PHKB: variants seen among roughly 807,000 people sequenced by gnomAD.
PHKB encodes phosphorylase b kinase regulatory subunit beta.
A neutral mutation model predicts 152.1 loss-of-function variants in PHKB; 122 were observed. The ratio of observed to expected loss-of-function variants is 0.80; its 90% CI spans 0.69 to 0.93. The LOEUF is 0.93. Among genes scored for constraint, PHKB ranks in the 40% least tolerant of loss-of-function variants. The probability of loss-of-function intolerance (pLI) is 0.00; values close to 1 mark genes in which losing one functional copy is unlikely to be tolerated. For synonymous variants in PHKB, 436 were observed against 464.9 expected (o/e 0.94, Z 0.80); for missense variants, 1,304 against 1,328.4 (o/e 0.98, Z 0.29).
chr16:47,568,286 T>C (rs1443957171), intron 7 of PHKB, among the ~76,000 whole-genome samples: 1 of 152,222 alleles, frequency 6.6e-6, no homozygotes, highest in Non-Finnish European at 1.5e-5. Flanking sequence ...TAGGAATCTA[T>C]CCATTTCCTG....
intron 1 of PHKB, among the ~76,000 whole-genome samples, chr16:47,468,227 C>A (rs1969703370): frequency 6.6e-6 from 1 of 152,202 alleles, no homozygotes; most frequent in Non-Finnish European, 1.5e-5. Context: ...CAGAAATAGC[C>A]TGAATTCCTG....
At chr16:47,695,078 G>T (rs954847350) in intron 28 of PHKB, among the ~76,000 whole-genome samples, 2 of 152,144 alleles carry the variant, frequency 1.3e-5, no homozygotes, top group Admixed American at 6.5e-5. Context: ...ACAGATAAAT[G>T]ATTTCCTCAA....
Position 47,681,371 on chromosome 16 carries a change from G to A in PHKB, c.2631-7670G>A, listed in dbSNP as rs9922863. 4.4e-3 allele frequency among the ~76,000 whole-genome samples: 648 copies of A among 148,646 alleles called. 24 individuals are homozygous for A. Among genetic ancestry groups the A allele is most frequent in the African/African-American group, 0.015 (616 of 41,160 alleles). ...ATCTGTCAAATGTTGACAGTGGGGTGTTAAAGTCTCCCATTTTTACTGTGT... is the reference window on the plus strand; with the variant it reads ...ATCTGTCAAATGTTGACAGTGGGGTATTAAAGTCTCCCATTTTTACTGTGT... On this transcript the variant is annotated intron_variant, in intron 26 of 30. Transcript: ENST00000323584.
intron 6 of PHKB, among the ~76,000 whole-genome samples, chr16:47,523,621 GC>G (rs1970720205): frequency 6.6e-6 from 1 of 152,118 alleles, no homozygotes. Context: ...CTTACTATAG[GC>G]CCACACCTAT....
chr16:47,503,256 T>C (rs1222838306), intron 4 of PHKB, among the ~76,000 whole-genome samples, 166 bp downstream of exon 4: 1 of 152,226 alleles, frequency 6.6e-6, no homozygotes, highest in Non-Finnish European at 1.5e-5. Context: ...GCCCAGGGTT[T>C]GAAATCCTGA....
intron 7 of PHKB, among the ~76,000 whole-genome samples, chr16:47,552,248 C>T (rs1032836950): frequency 2.0e-5 from 3 of 152,102 alleles, no homozygotes; most frequent in African/African-American, 7.2e-5. Flanking sequence ...GAATTGGATC[C>T]TGTCATTATG....
At position 47,649,196 on chromosome 16, in the gene PHKB, G is replaced by A; in HGVS notation, c.1789G>A (p.Asp597Asn). Residue 597 changes from aspartate (D) to asparagine (N), a missense_variant, in exon 18 of 31, where the codon GAC (aspartate) becomes AAC (asparagine). Coordinates refer to ENST00000323584, the MANE Select transcript of PHKB (RefSeq NM_000293.3). ...MSQDVFLLID[D>N]IKNALQFIKQ... ...TCAGGATGTTTTCCTGCTGATAGAT[G>A]ACATAAAGGTAGCTTCGGAACACCT... The A allele has an allele frequency of 6.4e-7, 1 of 1,558,328 alleles. No homozygotes were observed. Among genetic ancestry groups the A allele is most frequent in the South Asian group, 1.1e-5 (1 of 89,968 alleles).
chr16:47,675,463 G>A (rs549384933), intron 26 of PHKB: 4 of 151,940 alleles, frequency 2.6e-5, no homozygotes, highest in South Asian at 2.1e-4. Context: ...GGTGCCGTAG[G>A]AGGAACCTCC....
chr16:47,649,036 A>G, intron 17 of PHKB, 64 bp from the exon 18 acceptor site: 1 of 852,440 alleles, frequency 1.2e-6, no homozygotes, highest in Non-Finnish European at 2.1e-6. Flanking sequence ...TGAGACTTAC[A>G]GCACTGCACC....
chr16:47,593,634 A>C, intron 11 of PHKB, 77 bp downstream of exon 11: 1 of 865,766 alleles, frequency 1.2e-6, no homozygotes. Context: ...GGTTTAAAGA[A>C]GAGCAGAAAT....
intron 14 of PHKB, among the ~76,000 whole-genome samples, chr16:47,636,464 C>T (rs916830095): frequency 6.6e-6 from 1 of 152,200 alleles, no homozygotes; most frequent in South Asian, 2.1e-4. Flanking sequence ...GCCGCAGCTC[C>T]AGACCCAGGC....
chr16:47,549,361 C>G (rs563015335), intron 7 of PHKB, among the ~76,000 whole-genome samples: 1 of 152,028 alleles, frequency 6.6e-6, no homozygotes, highest in African/African-American at 2.4e-5. Context: ...ATATTTTCAG[C>G]GTGAAATATT....
intron 29 of PHKB, 73 bp from the exon 30 acceptor site, chr16:47,698,375 C>T: frequency 9.4e-7 from 1 of 1,064,768 alleles, no homozygotes. Context: ...ATCACCCATC[C>T]ATCTGATCAA....
chr16:47,591,094 A>G (rs753016341), intron 10 of PHKB, among the ~76,000 whole-genome samples: 3 of 152,076 alleles, frequency 2.0e-5, no homozygotes, highest in Non-Finnish European at 4.4e-5. Flanking sequence ...TTCTTCTGTG[A>G]TAGAAGGATA....
At chr16:47,483,362 T>G (rs914680826) in intron 1 of PHKB, among the ~76,000 whole-genome samples, 1 of 152,106 alleles carries the variant, frequency 6.6e-6, no homozygotes, top group South Asian at 2.1e-4. Flanking sequence ...CTGTAAAGAT[T>G]TAAAGTAGTA....
At chr16:47,692,258 C>T (rs1246568395) in intron 27 of PHKB, among the ~76,000 whole-genome samples, 1 of 152,152 alleles carries the variant, frequency 6.6e-6, no homozygotes, top group Non-Finnish European at 1.5e-5. Flanking sequence ...TTGGTCATGA[C>T]ATATTTCCCT....
intron 6 of PHKB, among the ~76,000 whole-genome samples, chr16:47,539,176 T>G (rs1330506077): frequency 6.6e-6 from 1 of 152,172 alleles, no homozygotes; most frequent in Non-Finnish European, 1.5e-5. Context: ...GTCTGAAATC[T>G]TTACATGGAA....
At chr16:47,576,942 T>G (rs1971759707) in intron 7 of PHKB, among the ~76,000 whole-genome samples, 1 of 152,020 alleles carries the variant, frequency 6.6e-6, no homozygotes, top group Admixed American at 6.6e-5. Context: ...GCTTTTAAAT[T>G]TAATTAATTT....
At position 47,700,802 on chromosome 16, in the gene PHKB, A is replaced by T. The variant is rs1974235260; in HGVS notation, c.*1436A>T. 6.6e-6 allele frequency: 1 copy of T among 152,166 alleles called. No homozygotes were observed. 9.4% of individuals were successfully genotyped at this position (152,166 alleles called of 1,614,324 possible). On this transcript the variant is annotated 3_prime_UTR_variant, in exon 31 of 31. Coordinates refer to ENST00000323584, the MANE Select transcript of PHKB (RefSeq NM_000293.3). The stretch of plus-strand genomic sequence containing the variant: ...AGCTTATTTGTAGTGTTTTGAAAGG[A>T]TGTAAGAAAGGATGAGTGGCTTCAG...
Sources: allele counts gnomAD v4.1 joint callset (sites outside exome capture counted in the v4.1 genomes callset), GRCh38; gene constraint gnomAD v4.1.1; transcripts MANE v1.5; gene names NCBI Gene and HGNC (gene_info 2026-07-23, HGNC 2026-07-21).